The following HIVEP2 variants were observed in gnomAD, a reference collection of about 807,000 sequenced individuals.
HIVEP2 encodes HIVEP zinc finger 2, also known as transcription factor HIVEP2.
In HIVEP2, 14 loss-of-function variants were observed where a neutral mutation model predicts 180.7. The ratio of observed to expected loss-of-function variants is 0.08; its 90% confidence interval spans 0.05 to 0.12. The LOEUF is 0.12. HIVEP2 is among the 10% of genes least tolerant of loss of function. The probability of loss-of-function intolerance (pLI) is 1.00; values close to 1 mark genes in which losing one functional copy is unlikely to be tolerated. For synonymous variants in HIVEP2, 1,184 were observed against 1,136.4 expected, an observed-to-expected ratio of 1.04 and a Z score of -0.84; for missense variants, 2,579 against 3,008.5, an observed-to-expected ratio of 0.86 and a Z score of 3.34.
At chr6:142,814,981 G>GGCC (rs1776795982) in intron 2 of HIVEP2, among the ~76,000 whole-genome samples, 1 of 152,098 alleles carries the variant, frequency 6.6e-6, no homozygotes, top group African/African-American at 2.4e-5. Context: ...GGAAGTCTAA[G>GGCC]ATCAAGCCAT....
rs1229076506 is a variant in HIVEP2 at position 142,927,661 on chromosome 6, C to T, written c.-641+17438G>A. 3.3e-5 allele frequency among the ~76,000 whole-genome samples: 5 copies of T among 152,270 alleles called. No homozygotes were observed. In the South Asian group the frequency reaches 8.3e-4, roughly 25 times the overall value. On this transcript the variant is annotated intron_variant, in intron 1 of 9. Transcript: ENST00000367603. ...CTCTTAAGAATCTTTCAATCTTATA[C>T]TTATCCACTTTAATAGCCAACAAAA...
rs771821872 is a variant in HIVEP2 at position 142,774,587 on chromosome 6, T to C, written c.152A>G (p.Glu51Gly). The change falls in exon 5 of 10, where the codon GAG becomes GGG. Residue 51 changes from glutamate to glycine, a missense_variant. By Grantham distance (98) the Glu-to-Gly change is moderately conservative. Around this residue, in one of 11 missense-constraint regions of HIVEP2, gnomAD observed 207 missense variants for 210.1 expected, o/e 0.99. Coordinates refer to ENST00000367603, the MANE Select transcript of HIVEP2 (RefSeq NM_006734.4). The surrounding 1 kb of genome is among the most constrained non-coding windows in gnomAD (Gnocchi z 5.1). ...SHEGQRQPQI[E>G]PEQIGNTASA... ...TGCTGTGTTTCCGATTTGCTCAGGCTCTATTTGTGGTTGCCGCTGTCCTTC... is the reference window on the plus strand; with the variant it reads ...TGCTGTGTTTCCGATTTGCTCAGGCCCTATTTGTGGTTGCCGCTGTCCTTC... 1 of 1,614,198 alleles carries C rather than the reference T, an allele frequency of 6.2e-7. No individual in the cohort carries two copies.
intron 2 of HIVEP2, among the ~76,000 whole-genome samples, chr6:142,836,681 C>A (rs980337147): frequency 7.2e-5 from 11 of 152,082 alleles, no homozygotes; most frequent in African/African-American, 2.7e-4. Flanking sequence ...ATTAATACAT[C>A]AAATAAAATA....
intron 1 of HIVEP2, among the ~76,000 whole-genome samples, chr6:142,848,315 T>C (rs1397059565): frequency 1.3e-5 from 2 of 152,236 alleles, no homozygotes; most frequent in East Asian, 3.8e-4. Flanking sequence ...TATTTTTTAC[T>C]GCTTAAGTAA....
chr6:142,906,389 C>T (rs1445474171), intron 1 of HIVEP2, among the ~76,000 whole-genome samples: 1 of 151,714 alleles, frequency 6.6e-6, no homozygotes, highest in Non-Finnish European at 1.5e-5. Context: ...ACTTACTTTT[C>T]AAAAAATAAC....
At chr6:142,828,779 G>A (rs1003460758) in intron 2 of HIVEP2, among the ~76,000 whole-genome samples, 2 of 152,088 alleles carry the variant, frequency 1.3e-5, no homozygotes, top group Non-Finnish European at 2.9e-5. Context: ...CTTGAGAACA[G>A]GACCATTCTT....
chr6:142,894,145 G>A (rs1014763701), intron 1 of HIVEP2, among the ~76,000 whole-genome samples: 1 of 152,056 alleles, frequency 6.6e-6, no homozygotes, highest in Non-Finnish European at 1.5e-5. Context: ...TTAATAGCTG[G>A]GTTTTATGAT....
At chr6:142,845,264 C>T (rs62430707) in intron 1 of HIVEP2, among the ~76,000 whole-genome samples, 27,205 of 152,030 alleles carry the variant, frequency 0.18, 2,624 homozygotes, top group South Asian at 0.22. Context: ...TATTAGTAAT[C>T]CTATTAAGGC....
chr6:142,900,132 G>C (rs895066378), intron 1 of HIVEP2, among the ~76,000 whole-genome samples: 1 of 152,168 alleles, frequency 6.6e-6, no homozygotes, highest in East Asian at 1.9e-4. Flanking sequence ...TCCTGGATTG[G>C]CTAAAGTGGA....
At position 142,771,871 on chromosome 6, in the gene HIVEP2, A is replaced by G; in HGVS notation, c.2868T>C (p.Phe956=). The G allele has an allele frequency of 6.2e-7, 1 of 1,614,188 alleles. No individual in the cohort carries two copies. ...GGGAGAGGCCTGTGCCTGTGGATTC[A>G]AAGCTGGACTCCCCTGAGGAGTGCT... The part of the protein sequence containing the change: ...DMEHSSGESS[F]ESTGTGLSRS... Residue 956 remains phenylalanine (F), a synonymous_variant, in exon 5 of 10, where the codon TTT becomes TTC. Transcript: ENST00000367603. This position sits in a 1 kb window ranked among gnomAD's most constrained non-coding sequence, Gnocchi z 5.4.
At chr6:142,876,711 C>T (rs1234979637) in intron 1 of HIVEP2, among the ~76,000 whole-genome samples, 1 of 152,158 alleles carries the variant, frequency 6.6e-6, no homozygotes, top group Admixed American at 6.6e-5. Flanking sequence ...GGATATGTCA[C>T]ACAATGCCTG....
intron 3 of HIVEP2, among the ~76,000 whole-genome samples, chr6:142,777,694 A>C (rs1775740041): frequency 2.0e-5 from 3 of 147,804 alleles, no homozygotes; most frequent in Non-Finnish European, 3.0e-5. Flanking sequence ...AAAAAGTGGA[A>C]CCTGGGATTC....
At chr6:142,891,917 T>G (rs956945192) in intron 1 of HIVEP2, among the ~76,000 whole-genome samples, 9 of 152,314 alleles carry the variant, frequency 5.9e-5, no homozygotes, top group Admixed American at 5.9e-4. Flanking sequence ...TTGTTTATCT[T>G]TATAGAGCCT....
intron 1 of HIVEP2, among the ~76,000 whole-genome samples, chr6:142,911,973 CCAAT>C (rs1478738582): frequency 6.6e-6 from 1 of 152,268 alleles, no homozygotes; most frequent in East Asian, 1.9e-4. Flanking sequence ...AAAGCAAAAG[CCAAT>C]CAAAGTCTCT....
At chr6:142,758,676 C>T (rs543246947) in intron 9 of HIVEP2, among the ~76,000 whole-genome samples, 24 of 151,776 alleles carry the variant, frequency 1.6e-4, no homozygotes, top group African/African-American at 5.5e-4. Context: ...TCTACTGAGC[C>T]GTGGAATTAG....
Position 142,771,294 on chromosome 6 carries a change from C to T in HIVEP2, c.3445G>A (p.Gly1149Arg). 2 of 1,613,556 alleles carry T rather than the reference C, an allele frequency of 1.2e-6. No homozygotes were observed. Among genetic ancestry groups the T allele is most frequent in the Non-Finnish European group, 1.7e-6 (2 of 1,180,016 alleles). Reference protein sequence around the residue: ...VAGPCPPLSSGPLHLAQPQIM... With the variant: ...VAGPCPPLSSRPLHLAQPQIM... ...TGTGGCTGGGCCAGGTGCAGTGGCC[C>T]CGAGCTCAGCGGGGGACAAGGACCC... The change falls in exon 5 of 10, where the codon GGG becomes AGG. Residue 1149 changes from glycine to arginine, a missense_variant. This residue lies in a region of HIVEP2 where 523 missense variants were observed against 577.0 expected (regional missense o/e 0.91). Transcript: ENST00000367603. This position sits in a 1 kb window ranked among gnomAD's most constrained non-coding sequence, Gnocchi z 5.4.
intron 1 of HIVEP2, among the ~76,000 whole-genome samples, chr6:142,937,399 C>T (rs1237485704): frequency 6.6e-6 from 1 of 152,140 alleles, no homozygotes; most frequent in Non-Finnish European, 1.5e-5. Context: ...ACTATGTGCT[C>T]ATTGAGATGG....
intron 1 of HIVEP2, among the ~76,000 whole-genome samples, chr6:142,880,517 G>A (rs1371508116): frequency 6.6e-6 from 1 of 152,148 alleles, no homozygotes; most frequent in African/African-American, 2.4e-5. Context: ...ATCATTACTT[G>A]CCTTTAAAAG....
chr6:142,810,223 AC>A (rs1356086970), intron 2 of HIVEP2, among the ~76,000 whole-genome samples: 2 of 152,210 alleles, frequency 1.3e-5, no homozygotes, highest in Non-Finnish European at 2.9e-5. Flanking sequence ...AATTATAATG[AC>A]TAGACTAAGA....
Sources: gnomAD v4.1 joint callset for allele counts (sites outside exome capture counted in the v4.1 genomes callset) on GRCh38, gnomAD v4.1.1 for gene constraint, gnomAD v4.1.1 regional missense constraint, Gnocchi (gnomAD v3.1) non-coding constraint, MANE v1.5 for transcripts, NCBI Gene and HGNC (gene_info 2026-07-23, HGNC 2026-07-21) for gene names.